RPGRIP1: variants seen among roughly 807,000 people sequenced by gnomAD.
The protein encoded by RPGRIP1 is X-linked retinitis pigmentosa GTPase regulator-interacting protein 1.
Under a neutral mutation model 157.9 loss-of-function variants are expected in RPGRIP1, and 128 were observed. The ratio of observed to expected loss-of-function variants is 0.81; its 90% CI spans 0.70 to 0.94. The LOEUF (loss-of-function observed/expected upper bound fraction) is 0.94, where lower values mean the gene tolerates loss of function less well. Among genes scored for constraint, RPGRIP1 ranks in the 40% least tolerant of loss-of-function variants. The pLI, the probability that RPGRIP1 is intolerant of heterozygous loss-of-function variation, is 0.00. For synonymous variants in RPGRIP1, 554 were observed against 571.6 expected, an observed-to-expected ratio of 0.97 and a Z score of 0.44; for missense variants, 1,486 against 1,545.8, an observed-to-expected ratio of 0.96 and a Z score of 0.65.
At chr14:21,281,763 A>T (rs2139124723) in intron 1 of RPGRIP1, among the ~76,000 whole-genome samples, 1 of 150,148 alleles carries the variant, frequency 6.7e-6, no homozygotes, top group Admixed American at 6.6e-5. Context: ...TGGCTACAAA[A>T]TTTTAAATGC....
At position 21,321,957 on chromosome 14, in the gene RPGRIP1, T is replaced by A. The variant is rs1882531365; in HGVS notation, c.1715T>A (p.Ile572Asn). 1 of 1,613,820 alleles carries A rather than the reference T, an allele frequency of 6.2e-7. No homozygotes were observed. Among genetic ancestry groups the A allele is most frequent in the African/African-American group, 1.3e-5 (1 of 75,026 alleles). ...CTACTAGACCTCAAGAATAACCGTA[T>A]CAAGCAGCTGGAAGGTATTTTAAGA... ...TRLLDLKNNR[I>N]KQLEGILRSH... Residue 572 changes from isoleucine to asparagine, a missense_variant, in exon 14 of 25, where the codon ATC becomes AAC. Ile to Asn is a moderately radical substitution (Grantham distance 149). Coordinates refer to ENST00000400017, the MANE Select transcript of RPGRIP1 (RefSeq NM_020366.4).
At chr14:21,296,494 A>AT (rs1427399990) in intron 3 of RPGRIP1, among the ~76,000 whole-genome samples, 2 of 151,314 alleles carry the variant, frequency 1.3e-5, no homozygotes, top group Non-Finnish European at 2.9e-5. Flanking sequence ...GATTACAGGC[A>AT]TTAGCCAACA....
chr14:21,350,171 T>A (rs1299449483), intron 24 of RPGRIP1, among the ~76,000 whole-genome samples: 1 of 151,616 alleles, frequency 6.6e-6, no homozygotes, highest in Non-Finnish European at 1.5e-5. Context: ...AGGTCAGGAG[T>A]TCGAGACCAG....
At position 21,324,892 on chromosome 14, in the gene RPGRIP1, C is replaced by T. The variant is rs372813238; in HGVS notation, c.2037C>T (p.Thr679=). 177 of 1,614,052 alleles carry T rather than the reference C, an allele frequency of 1.1e-4. No individual in the cohort carries two copies. The African/African-American group carries it at 2.0e-3, about 18-fold the overall frequency. Residue 679 remains threonine, a synonymous_variant, in exon 15 of 25, where the codon ACC becomes ACT. Coordinates refer to ENST00000400017, the MANE Select transcript of RPGRIP1 (RefSeq NM_020366.4). The stretch of plus-strand genomic sequence containing the variant: ...GGCCACAGCCCCTCTATGACTTCAC[C>T]TCCCAGTATGTGATGGAGACAGATT... ...SVGPQPLYDF[T]SQYVMETDSL...
chr14:21,325,637 C>G, intron 16 of RPGRIP1, 194 bp from the exon 17 acceptor site: 3 of 631,194 alleles, frequency 4.8e-6, no homozygotes, highest in Non-Finnish European at 8.2e-6. Flanking sequence ...TAAGTTAAGT[C>G]GTGAGTGCCA....
chr14:21,325,431 C>T (rs762726771), intron 16 of RPGRIP1, 48 bp downstream of exon 16: 2 of 1,531,716 alleles, frequency 1.3e-6, no homozygotes, highest in East Asian at 2.4e-5. Flanking sequence ...CTCAGCCAAA[C>T]AGCTCATGAG....
rs747279854 is a variant in RPGRIP1, at chr14:21,343,026, T to G, written c.3340-10T>G. ...ACCTTTAGGAACTAAATAAACATTT[T>G]CCTTATCAGGATTCAGAGAAGATGT... On this transcript the variant is annotated splice_polypyrimidine_tract_variant and intron_variant, in intron 21 of 24. Transcript: ENST00000400017. 3 of 1,607,514 alleles carry G rather than the reference T, an allele frequency of 1.9e-6. No homozygotes were observed. The highest frequency in any genetic ancestry group is 2.6e-6 in the Non-Finnish European group (3 of 1,175,542).
At chr14:21,309,468 C>G (rs190246722) in intron 7 of RPGRIP1, among the ~76,000 whole-genome samples, 2 of 151,730 alleles carry the variant, frequency 1.3e-5, no homozygotes, top group Non-Finnish European at 2.9e-5. Flanking sequence ...TGCAGTGAGC[C>G]GAGATCCCGA....
chr14:21,341,468 G>A (rs113883822), intron 21 of RPGRIP1, among the ~76,000 whole-genome samples: 2,373 of 152,248 alleles, frequency 0.016, 55 homozygotes, highest in African/African-American at 0.051. Flanking sequence ...GGTAAGAGCC[G>A]GTCTTTGGAG....
At chr14:21,315,125 A>G (rs1881717891) in intron 10 of RPGRIP1, among the ~76,000 whole-genome samples, 1 of 152,096 alleles carries the variant, frequency 6.6e-6, no homozygotes, top group Non-Finnish European at 1.5e-5. Flanking sequence ...TCAAGGTTGC[A>G]TTGAGCCATG....
Position 21,327,783 on chromosome 14 carries a change from G to C in RPGRIP1, c.2871G>C (p.Glu957Asp). Residue 957 changes from glutamate to aspartate, a missense_variant, in exon 18 of 25, where the codon GAG becomes GAC. Coordinates refer to ENST00000400017, the MANE Select transcript of RPGRIP1 (RefSeq NM_020366.4). ...ACAGTTCAAAGATCTCATCTGAAGA[G>C]GAAAAGGCTTCATTTCCTTCCCAGG... ...TKDSSKISSE[E>D]EKASFPSQDQ... 6.2e-7 allele frequency: 1 copy of C among 1,600,862 alleles called. No individual in the cohort carries two copies. Among genetic ancestry groups the C allele is most frequent in the Non-Finnish European group, 8.5e-7 (1 of 1,173,626 alleles).
intron 10 of RPGRIP1, among the ~76,000 whole-genome samples, chr14:21,315,803 A>ATT (rs368539913): frequency 8.8e-5 from 13 of 147,406 alleles, no homozygotes; most frequent in East Asian, 2.0e-4. Context: ...TATTATTATT[A>ATT]TTATTTTTTT....
intron 11 of RPGRIP1, 21 bp from the exon 12 acceptor site, chr14:21,319,996 T>A: frequency 6.3e-7 from 1 of 1,597,770 alleles, no homozygotes; most frequent in Non-Finnish European, 8.5e-7. Flanking sequence ...AATTTCACAT[T>A]TCTGGATTAT....
At position 21,324,914 on chromosome 14, in the gene RPGRIP1, G is replaced by A. The variant is rs780193224; in HGVS notation, c.2059G>A (p.Asp687Asn). 2 of 1,614,076 alleles carry A rather than the reference G, an allele frequency of 1.2e-6. No homozygotes were observed. The highest frequency in any genetic ancestry group is 2.2e-5 in the South Asian group (2 of 91,086). The change falls in exon 15 of 25, where the codon GAT (aspartate) becomes AAT (asparagine). Residue 687 changes from aspartate to asparagine, a missense_variant. Asp to Asn is a conservative substitution (Grantham distance 23). Transcript: ENST00000400017. ...DFTSQYVMETDSLFLHYLQEA... is the reference protein window; with the variant it reads ...DFTSQYVMETNSLFLHYLQEA... ...CACCTCCCAGTATGTGATGGAGACA[G>A]ATTCGCTTTTCTTACACTACCTTCA...
intron 14 of RPGRIP1, among the ~76,000 whole-genome samples, chr14:21,322,479 A>G (rs1386688453): frequency 2.0e-5 from 3 of 152,086 alleles, no homozygotes; most frequent in Non-Finnish European, 4.4e-5. Flanking sequence ...GTTTTAATAC[A>G]TGTTAGCAGC....
intron 10 of RPGRIP1, 123 bp from the exon 11 acceptor site, chr14:21,317,573 C>A: frequency 9.1e-6 from 14 of 1,535,832 alleles, no homozygotes; most frequent in Non-Finnish European, 1.2e-5. Flanking sequence ...AAAGCAAGGG[C>A]AGAAAAAAAC....
chr14:21,299,852 C>T (rs1159079550), intron 3 of RPGRIP1, among the ~76,000 whole-genome samples: 1 of 152,010 alleles, frequency 6.6e-6, no homozygotes, highest in African/African-American at 2.4e-5. Context: ...AAAGTGTCAG[C>T]GTGGTTGGAT....
chr14:21,306,739 G>A (rs1247805293), intron 6 of RPGRIP1, among the ~76,000 whole-genome samples: 1 of 151,104 alleles, frequency 6.6e-6, no homozygotes, highest in East Asian at 2.0e-4. Context: ...TTATAAGCGT[G>A]AGCCACCGTG....
chr14:21,322,733 C>T (rs1882639276), intron 14 of RPGRIP1, among the ~76,000 whole-genome samples: 1 of 152,190 alleles, frequency 6.6e-6, no homozygotes, highest in Non-Finnish European at 1.5e-5. Flanking sequence ...CTTCATCACT[C>T]ATCTCCTGTT....
Sources: allele counts gnomAD v4.1 joint callset (sites outside exome capture counted in the v4.1 genomes callset), GRCh38; gene constraint gnomAD v4.1.1; transcripts MANE v1.5; gene names NCBI Gene and HGNC (gene_info 2026-07-23, HGNC 2026-07-21).